The following PCDHGA9 variants were observed in gnomAD, a reference collection of about 807,000 sequenced individuals.
PCDHGA9 encodes the protein protocadherin gamma subfamily A, 9, also known as protocadherin gamma-A9.
Under a neutral mutation model 62.5 loss-of-function variants are expected in PCDHGA9, and 37 were observed. The observed-to-expected ratio is 0.59, with a 90% CI of 0.46 to 0.78. PCDHGA9 has a LOEUF of 0.78. PCDHGA9 is among the 30% of genes least tolerant of loss of function. PCDHGA9 has a pLI of 0.00. For missense variants in PCDHGA9, 1,138 were observed against 1,166.2 expected (o/e 0.98, Z 0.35); for synonymous variants, 459 against 484.6 (o/e 0.95, Z 0.69).
At chr5:141,413,858 G>A (rs751172785) in intron 1 of PCDHGA9, 28 of 1,613,140 alleles carry the variant, frequency 1.7e-5, no homozygotes, top group African/African-American at 4.0e-5. Context: ...CTCCGATCTG[G>A]CACTGTCCTT....
At chr5:141,474,252 A>T (rs1381172188) in intron 1 of PCDHGA9, among the ~76,000 whole-genome samples, 1 of 152,200 alleles carries the variant, frequency 6.6e-6, no homozygotes, top group Non-Finnish European at 1.5e-5. Flanking sequence ...GGAAAAAAAG[A>T]CTGATAAACC....
At chr5:141,415,740 G>GTTTTTTTTTTTTTTTTT (rs57426385) in intron 1 of PCDHGA9, 21 of 625,042 alleles carry the variant, frequency 3.4e-5, no homozygotes, top group African/African-American at 7.5e-5. Flanking sequence ...GTTTATTAAG[G>GTTTTTTTTTTTTTTTTT]TTTTTTTTTT....
At chr5:141,415,653 G>T in intron 1 of PCDHGA9, 1 of 1,539,362 alleles carries the variant, frequency 6.5e-7, no homozygotes, top group Non-Finnish European at 8.8e-7. Context: ...AAAAAAAAAA[G>T]ATTGGTTTTT....
At chr5:141,414,102 A>G in intron 1 of PCDHGA9, 1 of 1,593,854 alleles carries the variant, frequency 6.3e-7, no homozygotes, top group Non-Finnish European at 8.5e-7. Context: ...AAATATCAGA[A>G]AATCTAGATT....
rs564439931 is a variant in PCDHGA9 at position 141,490,480 on chromosome 5, C to T, written c.2425-4327C>T. On this transcript the variant is annotated intron_variant, in intron 1 of 3. Coordinates refer to ENST00000573521, the MANE Select transcript of PCDHGA9 (RefSeq NM_018921.3). The surrounding 1 kb of genome is among the most constrained non-coding windows in gnomAD (Gnocchi z 5.4). ...GCTGCTAACCAGCCAGCCTTTGGAC[C>T]GGGAGGCCACATCCCACTATATCAT... The T allele has an allele frequency of 3.5e-5, 56 of 1,614,194 alleles. No individual in the cohort carries two copies. Among genetic ancestry groups the T allele is most frequent in the Admixed American group, 1.5e-4 (9 of 60,022 alleles).
chr5:141,486,153 C>A lies in PCDHGA9; in HGVS notation c.2425-8654C>A, dbSNP rs1330257915. On this transcript the variant is annotated intron_variant, in intron 1 of 3. Coordinates refer to ENST00000573521, the MANE Select transcript of PCDHGA9 (RefSeq NM_018921.3). This position sits in a 1 kb window ranked among gnomAD's most constrained non-coding sequence, Gnocchi z 5.0. ...GATGTGCGGGCTCGCGATGGGGGTTCTCCAGCCATGGAGCAACATTGCAGC... is the reference window on the plus strand; with the variant it reads ...GATGTGCGGGCTCGCGATGGGGGTTATCCAGCCATGGAGCAACATTGCAGC... 6.2e-7 allele frequency: 1 copy of A among 1,614,202 alleles called. No individual in the cohort carries two copies. The highest frequency in any genetic ancestry group is 1.7e-5 in the Admixed American group (1 of 60,022).
intron 1 of PCDHGA9, chr5:141,414,344 T>C: frequency 6.2e-7 from 1 of 1,613,882 alleles, no homozygotes; most frequent in Non-Finnish European, 8.5e-7. Flanking sequence ...ACCTGTTCCA[T>C]TTTGGCGTAT....
At chr5:141,502,363 T>C (rs1216939790) in intron 2 of PCDHGA9, among the ~76,000 whole-genome samples, 2 of 152,100 alleles carry the variant, frequency 1.3e-5, no homozygotes, top group African/African-American at 4.8e-5. Context: ...ATGGATATTT[T>C]TAAAGAGTCC....
intron 1 of PCDHGA9, among the ~76,000 whole-genome samples, chr5:141,449,042 A>G (rs1211970675): frequency 6.6e-6 from 1 of 152,186 alleles, no homozygotes; most frequent in Non-Finnish European, 1.5e-5. Context: ...ATTATTAACC[A>G]GTCTCATAAA....
intron 1 of PCDHGA9, chr5:141,411,213 CTATT>C (rs1479996814): frequency 1.3e-5 from 2 of 152,186 alleles, no homozygotes; most frequent in African/African-American, 2.4e-5. Context: ...AGTAACCTAT[CTATT>C]CAAATTTGCG....
chr5:141,502,514 T>A (rs2099814743), intron 2 of PCDHGA9, among the ~76,000 whole-genome samples: 1 of 152,202 alleles, frequency 6.6e-6, no homozygotes, highest in African/African-American at 2.4e-5. Flanking sequence ...TGTCCCACTA[T>A]CAGTGATGCC....
chr5:141,496,132 C>T (rs865808904), intron 2 of PCDHGA9, among the ~76,000 whole-genome samples: 1 of 152,058 alleles, frequency 6.6e-6, no homozygotes, highest in African/African-American at 2.4e-5. Flanking sequence ...CCCTCACACA[C>T]TGAGCCTTTG....
At chr5:141,422,604 T>C in intron 1 of PCDHGA9, 1 of 1,614,030 alleles carries the variant, frequency 6.2e-7, no homozygotes, top group Non-Finnish European at 8.5e-7. Flanking sequence ...CCTCTTACTC[T>C]GCCTACATTC....
At chr5:141,435,497 C>T (rs1234443531) in intron 1 of PCDHGA9, among the ~76,000 whole-genome samples, 1 of 152,154 alleles carries the variant, frequency 6.6e-6, no homozygotes, top group African/African-American at 2.4e-5. Context: ...ATTTCCTACA[C>T]TAATGATACT....
Position 141,490,798 on chromosome 5 carries a change from C to A in PCDHGA9, c.2425-4009C>A. 2 of 1,613,926 alleles carry A rather than the reference C, an allele frequency of 1.2e-6. No individual in the cohort carries two copies. Among genetic ancestry groups the A allele is most frequent in the South Asian group, 2.2e-5 (2 of 91,074 alleles). ...AGAGGATGGACGGATCTTTGCCCAG[C>A]GTACCTTTGACTATGAATTGCTGCA... On this transcript the variant is annotated intron_variant, in intron 1 of 3. Transcript: ENST00000573521. This position sits in a 1 kb window ranked among gnomAD's most constrained non-coding sequence, Gnocchi z 5.4.
intron 2 of PCDHGA9, 76 bp from the exon 3 acceptor site, chr5:141,505,317 G>T: frequency 6.2e-7 from 1 of 1,603,092 alleles, no homozygotes. Flanking sequence ...AGGTTTGGGA[G>T]CCCTGGGAGA....
At chr5:141,413,520 A>G in intron 1 of PCDHGA9, 1 of 1,613,986 alleles carries the variant, frequency 6.2e-7, no homozygotes, top group Non-Finnish European at 8.5e-7. Flanking sequence ...TCCTTGTGGA[A>G]GACAGGGTGA....
chr5:141,421,446 A>G, intron 1 of PCDHGA9: 1 of 1,614,106 alleles, frequency 6.2e-7, no homozygotes, highest in Non-Finnish European at 8.5e-7. Flanking sequence ...GAGGGAAGAC[A>G]CAGCTTTTCG....
chr5:141,489,342 A>G lies in PCDHGA9; in HGVS notation c.2425-5465A>G. 3.7e-6 allele frequency: 6 copies of G among 1,609,084 alleles called. No homozygotes were observed. The Middle Eastern group carries it at 6.6e-4, about 178-fold the overall frequency. On this transcript the variant is annotated intron_variant, in intron 1 of 3. Transcript: ENST00000573521. The surrounding 1 kb of genome is among the most constrained non-coding windows in gnomAD (Gnocchi z 4.5). ...GGGTGTCTGGGCAGCTTCGTTACTCAGTGGTGGAGGAGTCTGAGCCGGGGA... is the reference window on the plus strand; with the variant it reads ...GGGTGTCTGGGCAGCTTCGTTACTCGGTGGTGGAGGAGTCTGAGCCGGGGA...
Sources: gnomAD v4.1 joint callset for allele counts (sites outside exome capture counted in the v4.1 genomes callset) on GRCh38, gnomAD v4.1.1 for gene constraint, Gnocchi (gnomAD v3.1) non-coding constraint, MANE v1.5 for transcripts, NCBI Gene and HGNC (gene_info 2026-07-23, HGNC 2026-07-21) for gene names.